PHF7: variants seen among roughly 807,000 people sequenced by gnomAD.
PHF7 encodes the protein E3 ubiquitin-protein ligase PHF7.
In PHF7, 24 loss-of-function variants were observed where a neutral mutation model predicts 47.5. The observed-to-expected ratio is 0.51, with a 90% CI of 0.37 to 0.71. The LOEUF is 0.71. Among genes scored for constraint, PHF7 ranks in the 30% least tolerant of loss-of-function variants. PHF7 has a pLI of 0.00. For synonymous variants in PHF7, 156 were observed against 153.8 expected, an observed-to-expected ratio of 1.01 and a Z score of -0.11; for missense variants, 361 against 456.8, an observed-to-expected ratio of 0.79 and a Z score of 1.91.
At chr3:52,412,744 G>T (rs1705490290) in intron 1 of PHF7, 67 bp from the exon 2 acceptor site, 15 of 709,978 alleles carry the variant, frequency 2.1e-5, no homozygotes, top group Non-Finnish European at 7.3e-6. Flanking sequence ...CCATTGCCTT[G>T]ACCCTGGGGA....
rs991276253 is a variant in PHF7 at position 52,423,588 on chromosome 3, C to T, written c.*271C>T. 8.6e-6 allele frequency: 3 copies of T among 347,056 alleles called. No homozygotes were observed. Among genetic ancestry groups the T allele is most frequent in the African/African-American group, 4.2e-5 (2 of 48,180 alleles). The allele number at this position is 347,056 out of a possible 1,614,324, so 21.5% of individuals were successfully genotyped here. Reference sequence around the variant, plus strand: ...TCCACCTTAATCTTGTTTTCATATGCCTCTTCTTACTTCACCCATGTTTGT... The same window carrying T: ...TCCACCTTAATCTTGTTTTCATATGTCTCTTCTTACTTCACCCATGTTTGT... On this transcript the variant is annotated 3_prime_UTR_variant, in exon 11 of 11. Transcript: ENST00000327906.
At chr3:52,413,911 T>C in intron 2 of PHF7, 85 bp from the exon 3 acceptor site, 1 of 890,634 alleles carries the variant, frequency 1.1e-6, no homozygotes, top group Non-Finnish European at 1.9e-6. Context: ...ATCAGACCCA[T>C]GAATGGCATT....
chr3:52,413,530 C>T (rs1194246928), intron 2 of PHF7, among the ~76,000 whole-genome samples: 3 of 152,064 alleles, frequency 2.0e-5, no homozygotes, highest in South Asian at 2.1e-4. Flanking sequence ...GTATGTTTTG[C>T]ACTTAAAAAA....
chr3:52,415,562 G>C (rs1307690086), intron 4 of PHF7, among the ~76,000 whole-genome samples: 1 of 152,156 alleles, frequency 6.6e-6, no homozygotes, highest in Non-Finnish European at 1.5e-5. Context: ...AATCCCACTA[G>C]ACGTAATCAC....
At chr3:52,417,345 T>G (rs1158428980) in intron 4 of PHF7, among the ~76,000 whole-genome samples, 2 of 152,204 alleles carry the variant, frequency 1.3e-5, no homozygotes, top group Non-Finnish European at 2.9e-5. Context: ...ACTGGGATTG[T>G]GATTGGGATT....
At position 52,421,680 on chromosome 3, in the gene PHF7, C is replaced by A. The variant is rs752574844; in HGVS notation, c.606C>A (p.Phe202Leu). 6.2e-7 allele frequency: 1 copy of A among 1,607,508 alleles called. No individual in the cohort carries two copies. ...CCCACACATCAGCAAAGCATTTCTT[C>A]AAATGTCCACAGTGTAACAATCGAA... ...KYAHTSAKHF[F>L]KCPQCNNRKE... is the part of the protein sequence containing the mutation. The change falls in exon 8 of 11, where the codon TTC (phenylalanine) becomes TTA (leucine). Residue 202 changes from phenylalanine (F) to leucine (L), a missense_variant. Coordinates refer to ENST00000327906, the MANE Select transcript of PHF7 (RefSeq NM_016483.7).
At position 52,414,514 on chromosome 3, in the gene PHF7, G is replaced by A. The variant is rs773687205; in HGVS notation, c.113G>A (p.Arg38Gln). The change falls in exon 4 of 11, where the codon CGA (arginine) becomes CAA (glutamine). Residue 38 changes from arginine to glutamine, a missense_variant. Arg to Gln is a conservative substitution (Grantham distance 43). Coordinates refer to ENST00000327906, the MANE Select transcript of PHF7 (RefSeq NM_016483.7). ...SSGPVCWLCL[R>Q]EPGDPEKLGE... The stretch of plus-strand genomic sequence containing the variant: ...CTTCCAGTTTGCTGGCTATGCCTTC[G>A]AGAACCTGGGGATCCCGAAAAATTA... The A allele has an allele frequency of 7.4e-6, 12 of 1,611,224 alleles. No individual in the cohort carries two copies. The highest frequency in any genetic ancestry group is 1.6e-4 in the Middle Eastern group (1 of 6,070).
chr3:52,413,186 C>T lies in PHF7; in HGVS notation c.41+266C>T, dbSNP rs180783875. Among the ~76,000 whole-genome samples, 10 of 152,292 alleles carry T rather than the reference C, an allele frequency of 6.6e-5. No homozygotes were observed. In the East Asian group the frequency reaches 1.9e-3, roughly 29 times the overall value. ...CAGAAGGCACTACATTTCTTTATGC[C>T]TCAGTTTCCTCATCTGGAAAATGTA... On this transcript the variant is annotated intron_variant, in intron 2 of 10. Transcript: ENST00000327906.
chr3:52,423,007 G>T, intron 10 of PHF7, 84 bp from the exon 11 acceptor site: 3 of 1,508,478 alleles, frequency 2.0e-6, no homozygotes, highest in South Asian at 2.3e-5. Context: ...ACTTTGGAAG[G>T]AAAGTAGCTA....
At position 52,422,998 on chromosome 3, in the gene PHF7, C is replaced by G. The variant is rs911455919; in HGVS notation, c.920-93C>G. On this transcript the variant is annotated intron_variant, in intron 10 of 10. Coordinates refer to ENST00000327906, the MANE Select transcript of PHF7 (RefSeq NM_016483.7). ...GGGGATTAATAGTTGGTGCCTTTGACTTTGGAAGGAAAGTAGCTAGAGAGG... is the reference window on the plus strand; with the variant it reads ...GGGGATTAATAGTTGGTGCCTTTGAGTTTGGAAGGAAAGTAGCTAGAGAGG... 2.0e-6 allele frequency: 3 copies of G among 1,526,878 alleles called. No individual in the cohort carries two copies. The Admixed American group carries it at 5.1e-5, about 26-fold the overall frequency. The allele number at this position is 1,526,878 out of a possible 1,614,324, so 94.6% of individuals were successfully genotyped here. A position where few individuals can be genotyped will look rare whatever the true frequency, so the allele number is the denominator to read the frequency against.
Position 52,412,891 on chromosome 3 carries a change from A to G in PHF7, c.12A>G (p.Val4=), listed in dbSNP as rs1225132819. ...AGAGACAGCACCGAATGAAGACTGTAAAAGAAAAGAAGGAATGCCAGAGAT... is the reference window on the plus strand; with the variant it reads ...AGAGACAGCACCGAATGAAGACTGTGAAAGAAAAGAAGGAATGCCAGAGAT... MKT[V]KEKKECQRLR... Residue 4 remains valine (V), a synonymous_variant, in exon 2 of 11, where the codon GTA becomes GTG. Transcript: ENST00000327906. 2.5e-6 allele frequency: 4 copies of G among 1,610,202 alleles called. No individual in the cohort carries two copies. The highest frequency in any genetic ancestry group is 3.4e-6 in the Non-Finnish European group (4 of 1,176,978).
chr3:52,411,954 G>T (rs960995657), intron 1 of PHF7, among the ~76,000 whole-genome samples: 1 of 152,174 alleles, frequency 6.6e-6, no homozygotes, highest in Non-Finnish European at 1.5e-5. Context: ...GGTGGCTCAC[G>T]CCTGTAATCC....
chr3:52,415,231 C>G (rs866057788), intron 4 of PHF7, among the ~76,000 whole-genome samples: 1 of 152,070 alleles, frequency 6.6e-6, no homozygotes, highest in Non-Finnish European at 1.5e-5. Flanking sequence ...GAGTCTCACT[C>G]TCTTGCCCAG....
At chr3:52,417,908 G>GT (rs1559599905) in intron 4 of PHF7, among the ~76,000 whole-genome samples, 2 of 151,982 alleles carry the variant, frequency 1.3e-5, no homozygotes, top group Admixed American at 6.5e-5. Context: ...TTAGCTCTAG[G>GT]TTTTTTTCAT....
Position 52,410,903 on chromosome 3 carries a change from A to G in PHF7, c.-414A>G, listed in dbSNP as rs1049040822. On this transcript the variant is annotated 5_prime_UTR_variant, in exon 1 of 11. The change abolishes the stop of an existing upstream ORF in the 5' untranslated region. Coordinates refer to ENST00000327906, the MANE Select transcript of PHF7 (RefSeq NM_016483.7). Reference sequence around the variant, plus strand: ...GTCTGGCATCCGCGGGATGCTCCTTAAGCCCCTTCTCCGGCTGTTAACCTC... The same window carrying G: ...GTCTGGCATCCGCGGGATGCTCCTTGAGCCCCTTCTCCGGCTGTTAACCTC... The G allele has an allele frequency of 6.6e-6, 1 of 152,260 alleles. No homozygotes were observed. The highest frequency in any genetic ancestry group is 2.4e-5 in the African/African-American group (1 of 41,452). The allele number at this position is 152,260 out of a possible 1,614,324, so 9.4% of individuals were successfully genotyped here. A position where few individuals can be genotyped will look rare whatever the true frequency, so the allele number is the denominator to read the frequency against.
intron 1 of PHF7, among the ~76,000 whole-genome samples, chr3:52,412,608 A>G (rs1705484902): frequency 6.6e-6 from 1 of 152,222 alleles, no homozygotes; most frequent in African/African-American, 2.4e-5. Context: ...TCTGTGCCTC[A>G]GTCCCCCATC....
At chr3:52,421,504 C>G (rs1675820591) in intron 7 of PHF7, 144 bp from the exon 8 acceptor site, 1 of 640,656 alleles carries the variant, frequency 1.6e-6, no homozygotes, top group African/African-American at 1.9e-5. Context: ...ATTTGCAGCC[C>G]TCACCCTAGC....
chr3:52,416,988 G>T (rs1375182504), intron 4 of PHF7, among the ~76,000 whole-genome samples: 3 of 150,602 alleles, frequency 2.0e-5, no homozygotes, highest in East Asian at 2.0e-4. Context: ...GTCTTTCAAA[G>T]AACAAGTTTG....
At position 52,419,908 on chromosome 3, in the gene PHF7, A is replaced by G; in HGVS notation, c.262A>G (p.Lys88Glu). 1 of 1,609,342 alleles carries G rather than the reference A, an allele frequency of 6.2e-7. No individual in the cohort carries two copies. The highest frequency in any genetic ancestry group is 1.7e-5 in the Admixed American group (1 of 59,680). The change falls in exon 5 of 11, where the codon AAG becomes GAG. Residue 88 changes from lysine (K) to glutamate (E), a missense_variant. Transcript: ENST00000327906. ...FHGFLPEDIK[K>E]EAARASRKIC... Reference sequence around the variant, plus strand: ...TGGATTTCTGCCTGAAGACATCAAAAAGGAGGCAGCCCGGGCTTCTAGGAA... The same window carrying G: ...TGGATTTCTGCCTGAAGACATCAAAGAGGAGGCAGCCCGGGCTTCTAGGAA...
Sources: gnomAD v4.1 joint callset for allele counts (sites outside exome capture counted in the v4.1 genomes callset) on GRCh38, gnomAD v4.1.1 for gene constraint, MANE v1.5 for transcripts, NCBI Gene and HGNC (gene_info 2026-07-23, HGNC 2026-07-21) for gene names.